The following ZNF521 variants were observed in gnomAD, a reference collection of about 807,000 sequenced individuals.
ZNF521 encodes the protein zinc finger protein 521, also known as LYST-interacting protein 3.
In ZNF521, 14 loss-of-function variants were observed where a neutral mutation model predicts 105.5. The observed-to-expected ratio is 0.13, with a 90% confidence interval of 0.09 to 0.21. ZNF521 has a LOEUF of 0.21. ZNF521 is among the 10% of genes least tolerant of loss of function. The probability of loss-of-function intolerance (pLI) is 1.00; values close to 1 mark genes in which losing one functional copy is unlikely to be tolerated. For missense variants in ZNF521, 1,233 were observed against 1,629.7 expected (o/e 0.76, Z 4.19); for synonymous variants, 635 against 606.0 (o/e 1.05, Z -0.70).
At chr18:25,189,502 G>A (rs1399908678) in intron 5 of ZNF521, among the ~76,000 whole-genome samples, 1 of 152,158 alleles carries the variant, frequency 6.6e-6, no homozygotes, top group African/African-American at 2.4e-5. Flanking sequence ...GCTGCCAGCT[G>A]TACAGCAAAT....
chr18:25,183,630 T>C (rs1483014223), intron 5 of ZNF521, among the ~76,000 whole-genome samples: 1 of 152,172 alleles, frequency 6.6e-6, no homozygotes, highest in African/African-American at 2.4e-5. Context: ...TAAGGGAACT[T>C]TGCTAAATAT....
At chr18:25,064,322 A>G (rs2032993425) in intron 7 of ZNF521, among the ~76,000 whole-genome samples, 1 of 152,214 alleles carries the variant, frequency 6.6e-6, no homozygotes, top group Non-Finnish European at 1.5e-5. Flanking sequence ...AATGGTTCCA[A>G]GTGGATCCAG....
At chr18:25,074,055 TGTGTGCGCACGCGTGTGTGCGTGC>T (rs1243591415) in intron 7 of ZNF521, among the ~76,000 whole-genome samples, 13 of 106,032 alleles carry the variant, frequency 1.2e-4, no homozygotes, top group Admixed American at 6.6e-4. Flanking sequence ...TCTGTGCACA[TGTGTGCGCACGCGTGTGTGCGTGC>T]GTGTGTGCAC....
At chr18:25,152,796 T>C (rs945383590) in intron 5 of ZNF521, among the ~76,000 whole-genome samples, 8 of 152,310 alleles carry the variant, frequency 5.3e-5, no homozygotes, top group African/African-American at 1.9e-4. Context: ...ATCTCTTTTT[T>C]TCTGCTCTTC....
chr18:25,069,452 G>A lies in ZNF521; in HGVS notation c.3907-6711C>T, dbSNP rs182031858. On this transcript the variant is annotated intron_variant, in intron 7 of 7. Coordinates refer to ENST00000361524, the MANE Select transcript of ZNF521 (RefSeq NM_015461.3). ...CAACTGATTAAAAGTAAATTGCTAC[G>A]GCTCTGGGAGTACCATTAGGAATTT... 1.8e-4 allele frequency among the ~76,000 whole-genome samples: 28 copies of A among 152,194 alleles called. No homozygotes were observed. The East Asian group carries it at 5.2e-3, about 28-fold the overall frequency.
At chr18:25,139,513 T>C (rs2034807402) in intron 5 of ZNF521, among the ~76,000 whole-genome samples, 2 of 151,680 alleles carry the variant, frequency 1.3e-5, no homozygotes, top group South Asian at 4.2e-4. Context: ...CCACAGCCCT[T>C]GGGAAAGGTA....
intron 3 of ZNF521, among the ~76,000 whole-genome samples, chr18:25,306,848 A>G (rs1354341405): frequency 2.7e-5 from 1 of 37,244 alleles, no homozygotes; most frequent in African/African-American, 1.1e-4. Flanking sequence ...CTAAACCACA[A>G]TTCAAGAAAA....
intron 3 of ZNF521, among the ~76,000 whole-genome samples, chr18:25,317,022 CT>C (rs1195464041): frequency 5.9e-5 from 9 of 152,034 alleles, no homozygotes; most frequent in Middle Eastern, 3.4e-3. Context: ...GCCCTGCTAA[CT>C]TTTTTGTATT....
intron 4 of ZNF521, chr18:25,202,252 C>T (rs985939370): frequency 6.6e-6 from 1 of 152,118 alleles, no homozygotes; most frequent in Non-Finnish European, 1.5e-5. Flanking sequence ...CATCTGCAAT[C>T]AACCTCTGGT....
chr18:25,174,030 A>T (rs979197082), intron 5 of ZNF521, among the ~76,000 whole-genome samples: 16 of 152,224 alleles, frequency 1.1e-4, no homozygotes, highest in East Asian at 3.8e-4. Context: ...CATATTTTTT[A>T]AAAAATTCAT....
At chr18:25,273,411 T>C (rs1002557373) in intron 3 of ZNF521, 2 of 152,032 alleles carry the variant, frequency 1.3e-5, no homozygotes, top group African/African-American at 2.4e-5. Context: ...TTCACGATCA[T>C]CAATGTCAGT....
Position 25,062,275 on chromosome 18 carries a change from T to A in ZNF521, c.*437A>T, listed in dbSNP as rs1188194562. ...AAGAATCTTCAGCAATAAAAAATAGTCTTGGATTTAAGCGCTGATATACCT... is the reference window on the plus strand; with the variant it reads ...AAGAATCTTCAGCAATAAAAAATAGACTTGGATTTAAGCGCTGATATACCT... On this transcript the variant is annotated 3_prime_UTR_variant, in exon 8 of 8. Transcript: ENST00000361524. 1 of 228,044 alleles carries A rather than the reference T, an allele frequency of 4.4e-6. No individual in the cohort carries two copies. The highest frequency in any genetic ancestry group is 8.6e-6 in the Non-Finnish European group (1 of 116,494). 14.1% of individuals were successfully genotyped at this position (228,044 alleles called of 1,614,324 possible). A position where few individuals can be genotyped will look rare whatever the true frequency, so the allele number is the denominator to read the frequency against.
intron 3 of ZNF521, among the ~76,000 whole-genome samples, chr18:25,251,949 T>C (rs1483100065): frequency 6.6e-6 from 1 of 152,184 alleles, no homozygotes; most frequent in Non-Finnish European, 1.5e-5. Context: ...TATTTAAAAA[T>C]TAAATTCTGC....
intron 5 of ZNF521, among the ~76,000 whole-genome samples, chr18:25,168,744 T>C (rs1239926538): frequency 1.3e-5 from 2 of 152,212 alleles, no homozygotes; most frequent in Admixed American, 1.3e-4. Context: ...ACCTGAGATA[T>C]CTTCCAGGCA....
intron 5 of ZNF521, among the ~76,000 whole-genome samples, chr18:25,145,518 G>A (rs760552974): frequency 2.0e-5 from 3 of 151,930 alleles, no homozygotes; most frequent in Non-Finnish European, 4.4e-5. Context: ...TCATCATATC[G>A]GATGTCACTT....
intron 5 of ZNF521, among the ~76,000 whole-genome samples, chr18:25,110,194 GC>G (rs2034156960): frequency 6.6e-6 from 1 of 152,166 alleles, no homozygotes; most frequent in South Asian, 2.1e-4. Context: ...TCTGTCAGCT[GC>G]CCCAAAGCAG....
intron 4 of ZNF521, among the ~76,000 whole-genome samples, chr18:25,195,476 T>C (rs1245964109): frequency 6.6e-6 from 1 of 151,718 alleles, no homozygotes; most frequent in Non-Finnish European, 1.5e-5. Context: ...CACATAATTA[T>C]GGCATAATAT....
chr18:25,275,024 AC>A (rs754300755), intron 3 of ZNF521, among the ~76,000 whole-genome samples: 1 of 152,096 alleles, frequency 6.6e-6, no homozygotes, highest in African/African-American at 2.4e-5. Context: ...AAACTTACAA[AC>A]CTTATCTGGG....
rs1175859497 is a variant in ZNF521, at chr18:25,179,116, C to CTTTTTTTTTTTTTTTTTTTTTTT, written c.3658+16021_3658+16043dup. On this transcript the variant is annotated intron_variant, in intron 5 of 7. Transcript: ENST00000361524. ...GACTTATACTTCTTTTTCTTTATTC[C>CTTTTTTTTTTTTTTTTTTTTTTT]TTTTTTTTTTTTTTTTTTTTTTTTT... Among the ~76,000 whole-genome samples the CTTTTTTTTTTTTTTTTTTTTTTT allele has an allele frequency of 7.6e-4, 40 of 52,482 alleles. 7 individuals are homozygous for CTTTTTTTTTTTTTTTTTTTTTTT. The highest frequency in any genetic ancestry group is 9.7e-4 in the Non-Finnish European group (28 of 28,970). The allele number at this position is 52,482 out of a possible 152,430, so 34.4% of individuals were successfully genotyped here.
Sources: allele counts gnomAD v4.1 joint callset (sites outside exome capture counted in the v4.1 genomes callset), GRCh38; gene constraint gnomAD v4.1.1; transcripts MANE v1.5; gene names NCBI Gene and HGNC (gene_info 2026-07-23, HGNC 2026-07-21).